Variants in MYH14 observed in about 807,000 individuals in gnomAD.
MYH14 encodes the protein myosin heavy chain 14, also known as myosin-14.
MYH14 carries 123 observed loss-of-function variants against 255.5 expected under a neutral mutation model. That is an observed-to-expected ratio of 0.48 (90% CI 0.42 to 0.56). The LOEUF (loss-of-function observed/expected upper bound fraction) is 0.56, where lower values mean the gene tolerates loss of function less well. MYH14 is among the 20% of genes least tolerant of loss of function. The pLI is 0.00. For missense variants in MYH14, 2,423 were observed against 2,802.3 expected (o/e 0.86, Z 3.06); for synonymous variants, 1,095 against 1,161.2 (o/e 0.94, Z 1.16).
intron 40 of MYH14, among the ~76,000 whole-genome samples, chr19:50,304,678 A>G (rs779464971): frequency 2.6e-5 from 4 of 152,180 alleles, no homozygotes; most frequent in Non-Finnish European, 5.9e-5. Context: ...AATTACCTCC[A>G]TGGTATGTCT....
At chr19:50,306,245 A>C (rs1430041657) in intron 40 of MYH14, among the ~76,000 whole-genome samples, 1 of 152,040 alleles carries the variant, frequency 6.6e-6, no homozygotes, top group African/African-American at 2.4e-5. Context: ...GTGCCTTTGC[A>C]CTCCAGCCTG....
chr19:50,228,390 A>C (rs1402116471), intron 8 of MYH14, among the ~76,000 whole-genome samples: 1 of 152,204 alleles, frequency 6.6e-6, no homozygotes, highest in Non-Finnish European at 1.5e-5. Flanking sequence ...ACTGCTAATA[A>C]GCCACATCCC....
In MYH14 at chr19:50,250,782, G is replaced by A. The variant is rs551562253; in HGVS notation, c.1830+94G>A. On this transcript the variant is annotated intron_variant, in intron 15 of 42. Coordinates refer to ENST00000642316, the MANE Select transcript of MYH14 (RefSeq NM_001145809.2). This position sits in a 1 kb window ranked among gnomAD's most constrained non-coding sequence, Gnocchi z 5.4. ...GGGGGAGGGTGCAGAGGGAAAACAG[G>A]GTCCTCCTGAGGTCCAGACAAACAG... 72 of 1,346,440 alleles carry A rather than the reference G, an allele frequency of 5.3e-5. No homozygotes were observed. The East Asian group carries it at 1.6e-3, about 30-fold the overall frequency. 83.4% of individuals were successfully genotyped at this position (1,346,440 alleles called of 1,614,324 possible).
intron 15 of MYH14, among the ~76,000 whole-genome samples, chr19:50,251,680 C>A (rs2034406455): frequency 6.6e-6 from 1 of 151,958 alleles, no homozygotes; most frequent in Non-Finnish European, 1.5e-5. Context: ...TAGGTTCAAG[C>A]AATTCTTCTG....
intron 33 of MYH14, chr19:50,285,478 G>A (rs2035862909): frequency 6.6e-6 from 1 of 152,052 alleles, no homozygotes; most frequent in Non-Finnish European, 1.5e-5. Flanking sequence ...AGTATTTCAT[G>A]GTTTTATGGC....
Position 50,266,883 on chromosome 19 carries a change from C to A in MYH14, c.2701C>A (p.Pro901Thr), listed in dbSNP as rs1324093100. The A allele has an allele frequency of 1.7e-5, 27 of 1,551,806 alleles. No individual in the cohort carries two copies. The highest frequency in any genetic ancestry group is 4.9e-5 in the East Asian group (2 of 40,938). ...QWWRLFTKVK[P>T]LLQVTRQDEV... ...CCCTTTCACCTCCACCTAGGTGAAG[C>A]CACTGCTGCAGGTGACGCGGCAGGA... The change falls in exon 23 of 43, where the codon CCA (proline) becomes ACA (threonine). Residue 901 changes from proline to threonine, a missense_variant. Around this residue, in one of 3 missense-constraint regions of MYH14, gnomAD observed 1,513 missense variants for 1,674.8 expected, o/e 0.90. Transcript: ENST00000642316. This position sits in a 1 kb window ranked among gnomAD's most constrained non-coding sequence, Gnocchi z 4.1.
chr19:50,207,469 C>T (rs1391260455), intron 1 of MYH14, among the ~76,000 whole-genome samples: 1 of 152,058 alleles, frequency 6.6e-6, no homozygotes, highest in Non-Finnish European at 1.5e-5. Context: ...CCCCCAGCAC[C>T]TGGTTGCCTC....
intron 14 of MYH14, 111 bp downstream of exon 14, chr19:50,249,934 G>A: frequency 1.5e-6 from 2 of 1,347,768 alleles, no homozygotes; most frequent in Non-Finnish European, 2.1e-6. Flanking sequence ...ATGCCCCATG[G>A]GTTCTGTGGG....
rs566545865 is a variant in MYH14, at chr19:50,252,605, A to C, written c.1831-34A>C. The C allele has an allele frequency of 7.1e-7, 1 of 1,403,896 alleles. No homozygotes were observed. The highest frequency in any genetic ancestry group is 2.0e-5 in the Admixed American group (1 of 51,228). The allele number at this position is 1,403,896 out of a possible 1,614,324, so 87.0% of individuals were successfully genotyped here. A position where few individuals can be genotyped will look rare whatever the true frequency, so the allele number is the denominator to read the frequency against. ...AAATCCAGAGAATGTCTGAGCCTGC[A>C]AGTCATCGCCCTCCTCTACCTGACT... On this transcript the variant is annotated intron_variant, in intron 15 of 42. Coordinates refer to ENST00000642316, the MANE Select transcript of MYH14 (RefSeq NM_001145809.2). This position sits in a 1 kb window ranked among gnomAD's most constrained non-coding sequence, Gnocchi z 4.2.
intron 30 of MYH14, among the ~76,000 whole-genome samples, chr19:50,279,808 G>A (rs1321472043): frequency 6.6e-6 from 1 of 152,214 alleles, no homozygotes; most frequent in African/African-American, 2.4e-5. Context: ...ATTCCGGTAC[G>A]AGTTTCTGCA....
Position 50,252,505 on chromosome 19 carries a change from G to A in MYH14, c.1831-134G>A. ...GGTGCAGTTCAGAATATGGACACAA[G>A]GTGGCACCAGTGCTCGCTTGTCCAT... On this transcript the variant is annotated intron_variant, in intron 15 of 42. Transcript: ENST00000642316. The surrounding 1 kb of genome is among the most constrained non-coding windows in gnomAD (Gnocchi z 4.2). 1 of 690,022 alleles carries A rather than the reference G, an allele frequency of 1.4e-6. No individual in the cohort carries two copies. Among genetic ancestry groups the A allele is most frequent in the South Asian group, 1.6e-5 (1 of 63,984 alleles). The allele number at this position is 690,022 out of a possible 1,614,324, so 42.7% of individuals were successfully genotyped here. A position where few individuals can be genotyped will look rare whatever the true frequency, so the allele number is the denominator to read the frequency against.
intron 34 of MYH14, among the ~76,000 whole-genome samples, chr19:50,287,494 C>A (rs549149134): frequency 2.0e-5 from 3 of 152,154 alleles, no homozygotes; most frequent in African/African-American, 7.2e-5. Context: ...CACATTGCAA[C>A]CTCAGTCTCC....
In MYH14 at chr19:50,226,899, C is replaced by T. The variant is rs2033133663; in HGVS notation, c.811-4C>T. The T allele has an allele frequency of 6.2e-7, 1 of 1,613,732 alleles. No homozygotes were observed. The highest frequency in any genetic ancestry group is 8.5e-7 in the Non-Finnish European group (1 of 1,179,758). On this transcript the variant is annotated splice_polypyrimidine_tract_variant and splice_region_variant and intron_variant, in intron 7 of 42. Transcript: ENST00000642316. ...TGAAGCCCACCCACTTTGGTCTCTC[C>T]CAGGGCAAATTCATCCGCATCAACT...
At chr19:50,216,123 G>C (rs1382519379) in intron 2 of MYH14, among the ~76,000 whole-genome samples, 1 of 152,218 alleles carries the variant, frequency 6.6e-6, no homozygotes, top group Non-Finnish European at 1.5e-5. Context: ...TTCTGTGAGT[G>C]TTGAGCCCCT....
intron 39 of MYH14, among the ~76,000 whole-genome samples, chr19:50,301,103 C>T (rs565190669): frequency 1.4e-4 from 21 of 152,240 alleles, no homozygotes; most frequent in African/African-American, 5.1e-4. Context: ...AATAAATAAA[C>T]GGGAACTATT....
chr19:50,228,492 G>A (rs1016872658), intron 8 of MYH14, among the ~76,000 whole-genome samples: 5 of 152,064 alleles, frequency 3.3e-5, no homozygotes, highest in Non-Finnish European at 7.4e-5. Flanking sequence ...GCAGCCAGCC[G>A]GCCCGTTGGT....
At chr19:50,257,605 A>G in intron 18 of MYH14, 119 bp downstream of exon 18, 1 of 1,026,274 alleles carries the variant, frequency 9.7e-7, no homozygotes, top group Non-Finnish European at 1.5e-6. Context: ...TGTGGCTTTG[A>G]GCAAATTGCT....
chr19:50,252,546 T>TGG lies in MYH14; in HGVS notation c.1831-91_1831-90dup. 1 of 853,132 alleles carries TGG rather than the reference T, an allele frequency of 1.2e-6. No homozygotes were observed. The highest frequency in any genetic ancestry group is 1.9e-6 in the Non-Finnish European group (1 of 514,544). The allele number at this position is 853,132 out of a possible 1,614,324, so 52.8% of individuals were successfully genotyped here. A position where few individuals can be genotyped will look rare whatever the true frequency, so the allele number is the denominator to read the frequency against. The stretch of plus-strand genomic sequence containing the variant: ...GCTTGTCCATGGTGAGCTCCAGACC[T>TGG]GGGAGTCTCAGAGCTTCTGGAAGGC... On this transcript the variant is annotated intron_variant, in intron 15 of 42. Transcript: ENST00000642316. This position sits in a 1 kb window ranked among gnomAD's most constrained non-coding sequence, Gnocchi z 4.2.
At chr19:50,233,823 C>T (rs1250347409) in intron 10 of MYH14, among the ~76,000 whole-genome samples, 1 of 68,474 alleles carries the variant, frequency 1.5e-5, no homozygotes, top group Admixed American at 1.5e-4. Flanking sequence ...CCCGACCCCC[C>T]CGCCCCAACC....
Sources: gnomAD v4.1 joint callset for allele counts (sites outside exome capture counted in the v4.1 genomes callset) on GRCh38, gnomAD v4.1.1 for gene constraint, gnomAD v4.1.1 regional missense constraint, Gnocchi (gnomAD v3.1) non-coding constraint, MANE v1.5 for transcripts, NCBI Gene and HGNC (gene_info 2026-07-23, HGNC 2026-07-21) for gene names.